Variants in NFIC observed in about 807,000 individuals in gnomAD.
NFIC encodes the protein nuclear factor 1 C-type.
NFIC carries 12 observed loss-of-function variants against 54.4 expected under a neutral mutation model. The observed-to-expected ratio is 0.22, with a 90% CI of 0.14 to 0.36. The LOEUF (loss-of-function observed/expected upper bound fraction) is 0.36, where lower values mean the gene tolerates loss of function less well. NFIC is among the 10% of genes least tolerant of loss of function. The probability of loss-of-function intolerance (pLI) is 1.00; values close to 1 mark genes in which losing one functional copy is unlikely to be tolerated. For synonymous variants in NFIC, 322 were observed against 319.2 expected, an observed-to-expected ratio of 1.01 and a Z score of -0.09; for missense variants, 575 against 718.2, an observed-to-expected ratio of 0.80 and a Z score of 2.28.
intron 6 of NFIC, among the ~76,000 whole-genome samples, chr19:3,438,460 C>CA (rs1434147318): frequency 1.5e-5 from 2 of 135,680 alleles, no homozygotes; most frequent in Non-Finnish European, 3.1e-5. Context: ...CTTTTTGAGA[C>CA]AGAGTCTCGC....
Position 3,462,944 on chromosome 19 carries a change from G to C in NFIC, c.*175G>C, listed in dbSNP as rs899677729. ...TAGACGCACACACTCAGGAGGAAAA[G>C]AAAAAACAAAGGCAGAAGAAGAAGA... On this transcript the variant is annotated 3_prime_UTR_variant, in exon 11 of 11. Coordinates refer to ENST00000443272, the MANE Select transcript of NFIC (RefSeq NM_001245002.2). 3 of 1,418,592 alleles carry C rather than the reference G, an allele frequency of 2.1e-6. No homozygotes were observed. In the East Asian group the frequency reaches 7.8e-5, roughly 37 times the overall value. The allele number at this position is 1,418,592 out of a possible 1,614,324, so 87.9% of individuals were successfully genotyped here.
intron 3 of NFIC, among the ~76,000 whole-genome samples, chr19:3,429,247 A>AAT (rs1246981069): frequency 5.3e-5 from 2 of 37,694 alleles, no homozygotes; most frequent in Non-Finnish European, 1.1e-4. Context: ...AAAAAAAAAA[A>AAT]ATATATACAC....
chr19:3,439,036 C>T (rs1011282793), intron 6 of NFIC, among the ~76,000 whole-genome samples: 18 of 151,946 alleles, frequency 1.2e-4, no homozygotes, highest in African/African-American at 4.1e-4. Flanking sequence ...CTCTGCTTCT[C>T]CAGCTGTGTG....
chr19:3,424,086 G>C (rs1160061949), intron 2 of NFIC, among the ~76,000 whole-genome samples: 1 of 151,958 alleles, frequency 6.6e-6, no homozygotes, highest in African/African-American at 2.4e-5. Context: ...GGAGTGCAGA[G>C]GCATGATCTC....
chr19:3,436,150 T>TTTGG lies in NFIC; in HGVS notation c.958+946_958+947insGTTG, dbSNP rs1036145408. ...GCCTCTGTTTTTGTTTGTTTGTTTG[T>TTTGG]TTGTTTGTTTTTGAAACGGAGTCTC... On this transcript the variant is annotated intron_variant, in intron 6 of 10. Coordinates refer to ENST00000443272, the MANE Select transcript of NFIC (RefSeq NM_001245002.2). 1.9e-4 allele frequency among the ~76,000 whole-genome samples: 29 copies of TTTGG among 150,784 alleles called. No individual in the cohort carries two copies. The East Asian group carries it at 4.7e-3, about 25-fold the overall frequency.
rs1429538762 is a variant in NFIC, at chr19:3,369,388, GTCTC to G, written c.30+2728_30+2731del. On this transcript the variant is annotated intron_variant, in intron 1 of 10. Coordinates refer to ENST00000443272, the MANE Select transcript of NFIC (RefSeq NM_001245002.2). The surrounding 1 kb of genome is among the most constrained non-coding windows in gnomAD (Gnocchi z 4.3). ...TGTGTCTCCTTACTCCTCTCTCTCT[GTCTC>G]TCTCTGTCTCTGGGCCTCCCTCTCC... is the stretch of plus-strand genomic sequence containing the variant. Among the ~76,000 whole-genome samples, 3 of 151,698 alleles carry G rather than the reference GTCTC, an allele frequency of 2.0e-5. No individual in the cohort carries two copies. Among genetic ancestry groups the G allele is most frequent in the African/African-American group, 7.3e-5 (3 of 41,248 alleles).
Position 3,439,362 on chromosome 19 carries a change from A to T in NFIC, c.958+4155A>T, listed in dbSNP as rs1351771873. The stretch of plus-strand genomic sequence containing the variant: ...AAAAAAAAAAAAAAAAAAAAAAAAA[A>T]AAAAAAAAAAAAAGGCTCACCTGTA... On this transcript the variant is annotated intron_variant, in intron 6 of 10. Coordinates refer to ENST00000443272, the MANE Select transcript of NFIC (RefSeq NM_001245002.2). Among the ~76,000 whole-genome samples the T allele has an allele frequency of 1.5e-4, 21 of 139,992 alleles. 1 individual carries two copies. The highest frequency in any genetic ancestry group is 4.8e-4 in the African/African-American group (18 of 37,598). The allele number at this position is 139,992 out of a possible 152,430, so 91.8% of individuals were successfully genotyped here.
chr19:3,450,719 G>T (rs1263486423), intron 7 of NFIC, among the ~76,000 whole-genome samples: 5 of 152,158 alleles, frequency 3.3e-5, no homozygotes, highest in Non-Finnish European at 5.9e-5. Context: ...ATTAAGGGGG[G>T]TGAATTGTAG....
At chr19:3,417,908 G>T (rs1490734114) in intron 2 of NFIC, among the ~76,000 whole-genome samples, 3 of 56,284 alleles carry the variant, frequency 5.3e-5, no homozygotes, top group Non-Finnish European at 1.1e-4. Flanking sequence ...AGAGTGCTGG[G>T]ATTACAGGCG....
chr19:3,430,658 G>T (rs1454251998), intron 3 of NFIC, among the ~76,000 whole-genome samples: 1 of 151,976 alleles, frequency 6.6e-6, no homozygotes, highest in Non-Finnish European at 1.5e-5. Context: ...GGACATTTCA[G>T]TGAAATGGCT....
chr19:3,427,702 C>T (rs2082047606), intron 3 of NFIC, among the ~76,000 whole-genome samples: 1 of 151,112 alleles, frequency 6.6e-6, no homozygotes, highest in Non-Finnish European at 1.5e-5. Flanking sequence ...TGGCACACAC[C>T]TATAATCCCA....
At position 3,432,775 on chromosome 19, in the gene NFIC, C is replaced by T. The variant is rs774612013; in HGVS notation, c.635-743C>T. ...CTGCAAGCTCCACCTCTCGGGTTCA[C>T]ACCATTCTCCTGCCTCAGCCTCCCA... is the stretch of plus-strand genomic sequence containing the variant. On this transcript the variant is annotated intron_variant, in intron 3 of 10. Transcript: ENST00000443272. Among the ~76,000 whole-genome samples the T allele has an allele frequency of 4.6e-5, 7 of 150,762 alleles. No individual in the cohort carries two copies. The South Asian group carries it at 8.4e-4, about 18-fold the overall frequency.
intron 3 of NFIC, 96 bp from the exon 4 acceptor site, chr19:3,433,422 C>G (rs2082152043): frequency 3.0e-6 from 4 of 1,329,302 alleles, no homozygotes; most frequent in Non-Finnish European, 4.3e-6. Flanking sequence ...AACGTCCAGG[C>G]TCGGGCCAGC....
At chr19:3,432,101 CCCTCCTA>C (rs1351199691) in intron 3 of NFIC, among the ~76,000 whole-genome samples, 3 of 152,122 alleles carry the variant, frequency 2.0e-5, no homozygotes, top group Non-Finnish European at 2.9e-5. Flanking sequence ...GTCCATGAAT[CCCTCCTA>C]CAAGGGCGTC....
Position 3,463,223 on chromosome 19 carries a change from G to C in NFIC, c.*454G>C, listed in dbSNP as rs1452565812. On this transcript the variant is annotated 3_prime_UTR_variant, in exon 11 of 11. Transcript: ENST00000443272. Reference sequence around the variant, plus strand: ...ACCAGGTGAGCACAGCCTGGAGCCTGTGCCCAGGGCCGACAGGCGCGACAC... The same window carrying C: ...ACCAGGTGAGCACAGCCTGGAGCCTCTGCCCAGGGCCGACAGGCGCGACAC... 1 of 999,934 alleles carries C rather than the reference G, an allele frequency of 1.0e-6. No individual in the cohort carries two copies. Among genetic ancestry groups the C allele is most frequent in the African/African-American group, 1.7e-5 (1 of 57,576 alleles). The allele number at this position is 999,934 out of a possible 1,614,324, so 61.9% of individuals were successfully genotyped here. A position where few individuals can be genotyped will look rare whatever the true frequency, so the allele number is the denominator to read the frequency against.
At chr19:3,435,296 C>T (rs997826091) in intron 6 of NFIC, 89 bp downstream of exon 6, 137 of 1,434,584 alleles carry the variant, frequency 9.5e-5, no homozygotes, top group Non-Finnish European at 1.2e-4. Flanking sequence ...GCGCGGGCGC[C>T]GCGGGGCAGG....
chr19:3,447,292 C>G (rs1345579847), intron 6 of NFIC, among the ~76,000 whole-genome samples: 2 of 137,346 alleles, frequency 1.5e-5, no homozygotes, highest in Admixed American at 1.5e-4. Flanking sequence ...GAGGGAGACT[C>G]TATCTCAAAA....
At chr19:3,388,887 C>A (rs1378496356) in intron 2 of NFIC, among the ~76,000 whole-genome samples, 4 of 151,800 alleles carry the variant, frequency 2.6e-5, no homozygotes, top group East Asian at 1.9e-4. Context: ...CACATGTAAT[C>A]CCAGCTACAC....
intron 6 of NFIC, among the ~76,000 whole-genome samples, chr19:3,443,034 G>A (rs974654135): frequency 2.6e-5 from 4 of 152,220 alleles, no homozygotes; most frequent in African/African-American, 9.6e-5. Flanking sequence ...TCGAGGCCAG[G>A]GATGCTGCTT....
Sources: gnomAD v4.1 joint callset for allele counts (sites outside exome capture counted in the v4.1 genomes callset) on GRCh38, gnomAD v4.1.1 for gene constraint, Gnocchi (gnomAD v3.1) non-coding constraint, MANE v1.5 for transcripts, NCBI Gene and HGNC (gene_info 2026-07-23, HGNC 2026-07-21) for gene names.